The following XPNPEP3 variants were observed in gnomAD, a reference collection of about 807,000 sequenced individuals.
The protein encoded by XPNPEP3 is X-prolyl aminopeptidase 3, also known as xaa-Pro aminopeptidase 3.
Under a neutral mutation model 60.0 loss-of-function variants are expected in XPNPEP3, and 41 were observed. The ratio of observed to expected loss-of-function variants is 0.68; its 90% CI spans 0.53 to 0.89. The LOEUF (loss-of-function observed/expected upper bound fraction) is 0.89. XPNPEP3 is among the 40% of genes least tolerant of loss of function. XPNPEP3 has a pLI of 0.00. For missense variants in XPNPEP3, 598 were observed against 638.9 expected, an observed-to-expected ratio of 0.94 and a Z score of 0.69; for synonymous variants, 212 against 223.2, an observed-to-expected ratio of 0.95 and a Z score of 0.45.
intron 9 of XPNPEP3, among the ~76,000 whole-genome samples, chr22:40,925,153 C>T (rs763337928): frequency 3.3e-5 from 5 of 152,166 alleles, no homozygotes; most frequent in Admixed American, 6.5e-5. Flanking sequence ...GTTTCAACAC[C>T]TCTGCAAGCT....
intron 4 of XPNPEP3, among the ~76,000 whole-genome samples, chr22:40,898,532 C>T (rs781340903): frequency 7.5e-6 from 1 of 133,464 alleles, no homozygotes; most frequent in Non-Finnish European, 1.5e-5. Flanking sequence ...GGATTACAGG[C>T]GTGAGCCACC....
At chr22:40,893,118 ATATATTATATATTG>A (rs927997693) in intron 4 of XPNPEP3, among the ~76,000 whole-genome samples, 4 of 147,306 alleles carry the variant, frequency 2.7e-5, no homozygotes, top group African/African-American at 4.9e-5. Context: ...ATATATAAAT[ATATATTATATATTG>A]TATATTATAT....
intron 4 of XPNPEP3, among the ~76,000 whole-genome samples, chr22:40,886,851 AAAAG>A (rs2058071382): frequency 6.6e-6 from 1 of 151,842 alleles, no homozygotes; most frequent in Non-Finnish European, 1.5e-5. Flanking sequence ...AAACAAGAAA[AAAAG>A]AAAAAGTTTT....
chr22:40,870,505 TG>T (rs2057999846), intron 2 of XPNPEP3, among the ~76,000 whole-genome samples: 3 of 152,152 alleles, frequency 2.0e-5, no homozygotes, highest in Admixed American at 2.0e-4. Flanking sequence ...CGTGGGATTT[TG>T]GACATTGGGG....
intron 2 of XPNPEP3, among the ~76,000 whole-genome samples, chr22:40,879,369 G>A (rs1240151339): frequency 6.6e-6 from 1 of 152,150 alleles, no homozygotes; most frequent in Non-Finnish European, 1.5e-5. Flanking sequence ...TGGAATACAA[G>A]TTACAGAATT....
At chr22:40,873,865 T>C (rs1466951390) in intron 2 of XPNPEP3, among the ~76,000 whole-genome samples, 1 of 152,102 alleles carries the variant, frequency 6.6e-6, no homozygotes, top group Non-Finnish European at 1.5e-5. Context: ...TTACAGTGAA[T>C]ATAATATTTA....
At position 40,909,313 on chromosome 22, in the gene XPNPEP3, C is replaced by T. The variant is rs878999319; in HGVS notation, c.969+78C>T. The T allele has an allele frequency of 2.0e-5, 22 of 1,111,976 alleles. No individual in the cohort carries two copies. The South Asian group carries it at 2.6e-4, about 13-fold the overall frequency. The allele number at this position is 1,111,976 out of a possible 1,614,324, so 68.9% of individuals were successfully genotyped here. ...AAAACCTGCTAACCTCATGTCCTCT[C>T]ACCTTCAGCTTTCACAAATTAGCTG... On this transcript the variant is annotated intron_variant, in intron 6 of 9. Transcript: ENST00000357137.
intron 4 of XPNPEP3, among the ~76,000 whole-genome samples, chr22:40,898,197 T>C (rs1297857232): frequency 2.0e-5 from 3 of 149,588 alleles, no homozygotes; most frequent in African/African-American, 7.3e-5. Flanking sequence ...TCTAAGAGTT[T>C]TATGTTTTAT....
chr22:40,871,603 A>C (rs1292999493), intron 2 of XPNPEP3, among the ~76,000 whole-genome samples: 1 of 152,198 alleles, frequency 6.6e-6, no homozygotes, highest in East Asian at 1.9e-4. Context: ...CCCACAACTC[A>C]GAGAAAGCCA....
intron 4 of XPNPEP3, among the ~76,000 whole-genome samples, chr22:40,896,462 T>A (rs1454836843): frequency 6.6e-6 from 1 of 152,062 alleles, no homozygotes; most frequent in Admixed American, 6.5e-5. Context: ...GGCCAGGAGT[T>A]TGAGACCAGC....
chr22:40,926,278 T>G lies in XPNPEP3; in HGVS notation c.1367T>G (p.Ile456Ser), dbSNP rs1420973800. Residue 456 changes from isoleucine to serine, a missense_variant, in exon 10 of 10, where the codon ATT becomes AGT. Ile to Ser is a moderately radical substitution (Grantham distance 142). Coordinates refer to ENST00000357137, the MANE Select transcript of XPNPEP3 (RefSeq NM_022098.4). ...TCTTTCTACTTCACAGGCATTTATATTCCAGAGGATGACAAAGATGCCCCA... is the reference window on the plus strand; with the variant it reads ...TCTTTCTACTTCACAGGCATTTATAGTCCAGAGGATGACAAAGATGCCCCA... ...MVITIEPGIYIPEDDKDAPEK... is the reference protein window; with the variant it reads ...MVITIEPGIYSPEDDKDAPEK... The G allele has an allele frequency of 3.7e-6, 6 of 1,614,196 alleles. No individual in the cohort carries two copies. The South Asian group carries it at 6.6e-5, about 18-fold the overall frequency.
At chr22:40,881,581 A>G (rs1043896747) in intron 2 of XPNPEP3, among the ~76,000 whole-genome samples, 189 bp from the exon 3 acceptor site, 22 of 152,238 alleles carry the variant, frequency 1.4e-4, no homozygotes, top group African/African-American at 5.3e-4. Context: ...TTCAACTATC[A>G]TTTCTTCCAA....
At chr22:40,886,840 A>C (rs2058071264) in intron 4 of XPNPEP3, among the ~76,000 whole-genome samples, 1 of 151,686 alleles carries the variant, frequency 6.6e-6, no homozygotes, top group Admixed American at 6.6e-5. Context: ...AAAAAAAAAA[A>C]AAACAAGAAA....
rs1238196041 is a variant in XPNPEP3, at chr22:40,928,890, T to G, written c.*2455T>G. ...AATGTGAAAACAAAAGTGATACAAATCATATCCTGACAGTGCTAGCCTAGG... is the reference window on the plus strand; with the variant it reads ...AATGTGAAAACAAAAGTGATACAAAGCATATCCTGACAGTGCTAGCCTAGG... On this transcript the variant is annotated 3_prime_UTR_variant, in exon 10 of 10. Coordinates refer to ENST00000357137, the MANE Select transcript of XPNPEP3 (RefSeq NM_022098.4). 2.0e-5 allele frequency: 3 copies of G among 152,148 alleles called. No individual in the cohort carries two copies. Among genetic ancestry groups the G allele is most frequent in the Non-Finnish European group, 2.9e-5 (2 of 68,042 alleles). 9.4% of individuals were successfully genotyped at this position (152,148 alleles called of 1,614,324 possible).
chr22:40,913,417 AAC>A (rs1374701689), intron 6 of XPNPEP3, among the ~76,000 whole-genome samples: 1 of 150,870 alleles, frequency 6.6e-6, no homozygotes, highest in Non-Finnish European at 1.5e-5. Context: ...CAGCCTGGGC[AAC>A]AGAGCAAGAC....
At chr22:40,882,851 A>C (rs946174094) in intron 3 of XPNPEP3, among the ~76,000 whole-genome samples, 2 of 152,086 alleles carry the variant, frequency 1.3e-5, no homozygotes, top group Admixed American at 6.6e-5. Context: ...TTAAAAAAAA[A>C]CTCCATGTTC....
intron 1 of XPNPEP3, chr22:40,861,434 A>G (rs552818417): frequency 7.8e-5 from 126 of 1,613,844 alleles, no homozygotes; most frequent in Non-Finnish European, 1.1e-4. Flanking sequence ...CTGAAGTTGT[A>G]ACAGATATGT....
intron 2 of XPNPEP3, among the ~76,000 whole-genome samples, chr22:40,875,803 G>A (rs539024354): frequency 1.3e-5 from 2 of 151,228 alleles, no homozygotes; most frequent in African/African-American, 4.9e-5. Context: ...TGCTTGAGGC[G>A]TGGAGTTTGA....
rs200998507 is a variant in XPNPEP3 at position 40,926,418 on chromosome 22, T to C, written c.1507T>C (p.Cys503Arg). The C allele has an allele frequency of 2.6e-5, 42 of 1,614,150 alleles. No individual in the cohort carries two copies. The East Asian group carries it at 8.7e-4, about 33-fold the overall frequency. The change falls in exon 10 of 10, where the codon TGC becomes CGC. Residue 503 changes from cysteine to arginine, a missense_variant. Physicochemically the swap from Cys to Arg is radical, Grantham distance 180. Coordinates refer to ENST00000357137, the MANE Select transcript of XPNPEP3 (RefSeq NM_022098.4). ...AGAGATGAATGACATTGAACAGATA[T>C]GCAGCCAGGCTTCTTGACCTTCACT... ...PKEMNDIEQI[C>R]SQAS
Sources: allele counts gnomAD v4.1 joint callset (sites outside exome capture counted in the v4.1 genomes callset), GRCh38; gene constraint gnomAD v4.1.1; transcripts MANE v1.5; gene names NCBI Gene and HGNC (gene_info 2026-07-23, HGNC 2026-07-21).